PTPRN2: variants seen among roughly 807,000 people sequenced by gnomAD.
PTPRN2 encodes receptor-type tyrosine-protein phosphatase N2.
In PTPRN2, 74 loss-of-function variants were observed where a neutral mutation model predicts 118.8. The ratio of observed to expected loss-of-function variants is 0.62; its 90% confidence interval spans 0.52 to 0.76. The LOEUF (loss-of-function observed/expected upper bound fraction) is 0.76. PTPRN2 is among the 30% of genes least tolerant of loss of function. The pLI, the probability that PTPRN2 is intolerant of heterozygous loss-of-function variation, is 0.00. For missense variants in PTPRN2, 1,481 were observed against 1,394.4 expected, an observed-to-expected ratio of 1.06 and a Z score of -0.99; for synonymous variants, 641 against 608.0, an observed-to-expected ratio of 1.05 and a Z score of -0.80.
chr7:157,928,297 C>T (rs1106510), intron 11 of PTPRN2, among the ~76,000 whole-genome samples: 32,542 of 152,022 alleles, frequency 0.21, 3,880 homozygotes, highest in East Asian at 0.37. Context: ...GTAGAGCGGG[C>T]GGCATCAGGC....
chr7:157,580,701 C>T (rs1397643837), intron 17 of PTPRN2, among the ~76,000 whole-genome samples: 1 of 133,424 alleles, frequency 7.5e-6, no homozygotes, highest in South Asian at 2.7e-4. Context: ...CCTGGACACC[C>T]GAGCCCCTCC....
intron 1 of PTPRN2, among the ~76,000 whole-genome samples, chr7:158,542,415 A>T (rs758379101): frequency 1.3e-5 from 2 of 152,210 alleles, no homozygotes; most frequent in Non-Finnish European, 2.9e-5. Context: ...GGCCTCCCAA[A>T]GTGATGGGAT....
Position 157,868,475 on chromosome 7 carries a change from T to C in PTPRN2, c.1788+30198A>G, listed in dbSNP as rs1047312688. On this transcript the variant is annotated intron_variant, in intron 12 of 22. Coordinates refer to ENST00000389418, the MANE Select transcript of PTPRN2 (RefSeq NM_002847.5). The surrounding 1 kb of genome is among the most constrained non-coding windows in gnomAD (Gnocchi z 5.2). ...GCCTGGAGGAAACTGGCCTTGTGAG[T>C]GTCAGGGCTGCGCTGCTGTCTTCCA... is the stretch of plus-strand genomic sequence containing the variant. 3.3e-5 allele frequency: 5 copies of C among 152,320 alleles called. No individual in the cohort carries two copies. Among genetic ancestry groups the C allele is most frequent in the Non-Finnish European group, 7.3e-5 (5 of 68,038 alleles). 9.4% of individuals were successfully genotyped at this position (152,320 alleles called of 1,614,324 possible).
At chr7:158,233,090 A>G (rs1421276528) in intron 3 of PTPRN2, among the ~76,000 whole-genome samples, 1 of 152,210 alleles carries the variant, frequency 6.6e-6, no homozygotes, top group Non-Finnish European at 1.5e-5. Flanking sequence ...ATTAGGCAAG[A>G]GAAAGAAATA....
rs970145980 is a variant in PTPRN2, at chr7:158,525,592, G to A, written c.113-35807C>T. ...TCCCTTCCTCCTGAGAGGTCCTACGGGATGGAGTATTAATAGTGCCGTGTT... is the reference window on the plus strand; with the variant it reads ...TCCCTTCCTCCTGAGAGGTCCTACGAGATGGAGTATTAATAGTGCCGTGTT... On this transcript the variant is annotated intron_variant, in intron 1 of 22. Transcript: ENST00000389418. The surrounding 1 kb of genome is among the most constrained non-coding windows in gnomAD (Gnocchi z 4.1). 1.3e-5 allele frequency among the ~76,000 whole-genome samples: 2 copies of A among 152,188 alleles called. No homozygotes were observed. The highest frequency in any genetic ancestry group is 2.4e-5 in the African/African-American group (1 of 41,450).
chr7:158,141,559 C>G (rs1035906907), intron 6 of PTPRN2, among the ~76,000 whole-genome samples: 2 of 152,232 alleles, frequency 1.3e-5, no homozygotes, highest in Non-Finnish European at 2.9e-5. Context: ...TAAGTGCAGT[C>G]TCTCTTGCCC....
At chr7:158,459,369 T>C (rs1733158) in intron 2 of PTPRN2, among the ~76,000 whole-genome samples, 55,386 of 110,476 alleles carry the variant, frequency 0.5, 13,719 homozygotes, top group Non-Finnish European at 0.51. Context: ...GAGGCCCCGC[T>C]TGGGACGAAC....
intron 11 of PTPRN2, among the ~76,000 whole-genome samples, chr7:157,914,468 A>G (rs1240295498): frequency 6.6e-6 from 1 of 152,206 alleles, no homozygotes; most frequent in East Asian, 1.9e-4. Context: ...TATGAATCGT[A>G]GGTAATATTC....
chr7:157,920,375 G>A (rs1206982111), intron 11 of PTPRN2, among the ~76,000 whole-genome samples: 1 of 152,172 alleles, frequency 6.6e-6, no homozygotes, highest in African/African-American at 2.4e-5. Context: ...GCACCTCCCA[G>A]GAGCGCCAGC....
rs750506325 is a variant in PTPRN2, at chr7:157,595,264, G to A, written c.2470C>T (p.Pro824Ser). 1 of 1,614,214 alleles carries A rather than the reference G, an allele frequency of 6.2e-7. No homozygotes were observed. Among genetic ancestry groups the A allele is most frequent in the African/African-American group, 1.3e-5 (1 of 75,052 alleles). Reference sequence around the variant, plus strand: ...TGCCAAAAGTCAGCCACGGTGGCGGGCAGCGGTCCCTGGGTGGCGATGTAC... The same window carrying A: ...TGCCAAAAGTCAGCCACGGTGGCGGACAGCGGTCCCTGGGTGGCGATGTAC... ...PAYIATQGPL[P>S]ATVADFWQMV... The change falls in exon 17 of 23, where the codon CCC becomes TCC. Residue 824 changes from proline (P) to serine (S), a missense_variant. Pro to Ser is a moderately conservative substitution (Grantham distance 74, BLOSUM62 -1). Transcript: ENST00000389418.
At chr7:158,039,066 G>GA (rs1808276656) in intron 11 of PTPRN2, among the ~76,000 whole-genome samples, 1 of 152,142 alleles carries the variant, frequency 6.6e-6, no homozygotes, top group African/African-American at 2.4e-5. Flanking sequence ...ATATTGTGGG[G>GA]AAATAGAAAA....
At chr7:158,354,712 C>T (rs4320494) in intron 2 of PTPRN2, among the ~76,000 whole-genome samples, 97,992 of 151,928 alleles carry the variant, frequency 0.64, 32,313 homozygotes, top group East Asian at 0.84. Flanking sequence ...CCAAGAATTA[C>T]TGGTGTTCAA....
In PTPRN2 at chr7:158,258,209, C is replaced by T. The variant is rs567612115; in HGVS notation, c.278-52936G>A. Among the ~76,000 whole-genome samples the T allele has an allele frequency of 1.1e-4, 17 of 152,318 alleles. No individual in the cohort carries two copies. In the South Asian group the frequency reaches 3.5e-3, roughly 32 times the overall value. The stretch of plus-strand genomic sequence containing the variant: ...GAGCATTCCCGACGTCCACACACCA[C>T]ATTTCCTCCGCTCTGTCTGCTGCAG... On this transcript the variant is annotated intron_variant, in intron 3 of 22. Transcript: ENST00000389418.
chr7:158,242,742 A>T (rs1171667790), intron 3 of PTPRN2, among the ~76,000 whole-genome samples: 4 of 152,116 alleles, frequency 2.6e-5, no homozygotes, highest in Non-Finnish European at 5.9e-5. Flanking sequence ...TTTCTTCATG[A>T]TTCAGTCTTG....
rs1284081767 is a variant in PTPRN2 at position 157,747,640 on chromosome 7, G to C, written c.1789-64703C>G. On this transcript the variant is annotated intron_variant, in intron 12 of 22. Transcript: ENST00000389418. ...TGCGTCTCTGAGCTGTGGGGTGTGCGGGTGATTCTGAGGCCTGCGTCCCTG... is the reference window on the plus strand; with the variant it reads ...TGCGTCTCTGAGCTGTGGGGTGTGCCGGTGATTCTGAGGCCTGCGTCCCTG... 2.3e-3 allele frequency among the ~76,000 whole-genome samples: 265 copies of C among 115,622 alleles called. 3 individuals are homozygous for C. The highest frequency in any genetic ancestry group is 8.5e-3 in the African/African-American group (247 of 28,992). The allele number at this position is 115,622 out of a possible 152,430, so 75.9% of individuals were successfully genotyped here. A position where few individuals can be genotyped will look rare whatever the true frequency, so the allele number is the denominator to read the frequency against.
At chr7:158,128,180 T>C (rs1334973546) in intron 9 of PTPRN2, among the ~76,000 whole-genome samples, 1 of 152,194 alleles carries the variant, frequency 6.6e-6, no homozygotes, top group Non-Finnish European at 1.5e-5. Context: ...CTGTTAAGGT[T>C]TAAGCTGAAA....
intron 2 of PTPRN2, among the ~76,000 whole-genome samples, chr7:158,370,064 A>G (rs1198019229): frequency 6.6e-6 from 1 of 152,140 alleles, no homozygotes; most frequent in Non-Finnish European, 1.5e-5. Context: ...GACGATGGGA[A>G]CGAGGTGATC....
chr7:157,775,391 C>T (rs935484868), intron 12 of PTPRN2, among the ~76,000 whole-genome samples: 1 of 152,186 alleles, frequency 6.6e-6, no homozygotes, highest in Non-Finnish European at 1.5e-5. Context: ...ATAGGCATAA[C>T]GGGGACAGTG....
rs144502327 is a variant in PTPRN2 at position 157,562,631 on chromosome 7, C to T, written c.2902+6271G>A. Among the ~76,000 whole-genome samples the T allele has an allele frequency of 4.6e-5, 7 of 152,352 alleles. No individual in the cohort carries two copies. The East Asian group carries it at 5.8e-4, about 13-fold the overall frequency. ...GCCACAAAACACGATTCGACAAAGA[C>T]GTTCTGCTGTCACCACACACAGCAG... On this transcript the variant is annotated intron_variant, in intron 21 of 22. Coordinates refer to ENST00000389418, the MANE Select transcript of PTPRN2 (RefSeq NM_002847.5).
Sources: gnomAD v4.1 joint callset for allele counts (sites outside exome capture counted in the v4.1 genomes callset) on GRCh38, gnomAD v4.1.1 for gene constraint, Gnocchi (gnomAD v3.1) non-coding constraint, MANE v1.5 for transcripts, NCBI Gene and HGNC (gene_info 2026-07-23, HGNC 2026-07-21) for gene names.